The following LTBP2 variants were observed in gnomAD, a reference collection of about 807,000 sequenced individuals.
LTBP2 encodes latent transforming growth factor beta binding protein 2, also known as latent-transforming growth factor beta-binding protein 2.
In LTBP2, 103 loss-of-function variants were observed where a neutral mutation model predicts 210.6. That is an observed-to-expected ratio of 0.49 (90% CI 0.42 to 0.58). The LOEUF is 0.58. Among genes scored for constraint, LTBP2 ranks in the 20% least tolerant of loss-of-function variants. LTBP2 has a pLI of 0.00. For missense variants in LTBP2, 2,313 were observed against 2,494.5 expected, an observed-to-expected ratio of 0.93 and a Z score of 1.55; for synonymous variants, 1,007 against 1,015.0, an observed-to-expected ratio of 0.99 and a Z score of 0.15.
chr14:74,528,443 G>A, intron 12 of LTBP2, 40 bp downstream of exon 12: 2 of 1,606,980 alleles, frequency 1.2e-6, no homozygotes, highest in East Asian at 4.5e-5. Context: ...AAACTTAGGG[G>A]AAAGGAAAAT....
intron 2 of LTBP2, among the ~76,000 whole-genome samples, chr14:74,598,390 G>A (rs1221196168): frequency 6.6e-6 from 1 of 152,178 alleles, no homozygotes; most frequent in African/African-American, 2.4e-5. Context: ...CCTGAACACC[G>A]TGGGGAGTTT....
At chr14:74,553,659 G>A (rs1239884501) in intron 4 of LTBP2, among the ~76,000 whole-genome samples, 1 of 152,154 alleles carries the variant, frequency 6.6e-6, no homozygotes, top group Non-Finnish European at 1.5e-5. Context: ...AAGACATCAT[G>A]CTGGCTTTGA....
chr14:74,538,250 T>C (rs2087447967), intron 8 of LTBP2, among the ~76,000 whole-genome samples: 1 of 152,204 alleles, frequency 6.6e-6, no homozygotes, highest in Non-Finnish European at 1.5e-5. Flanking sequence ...AGGTTTGTTA[T>C]TAGTAATGGC....
chr14:74,499,661 G>A lies in LTBP2; in HGVS notation c.*1223C>T, dbSNP rs1595233996. ...CCCATCATAGGCTATCAGCAGAGCT[G>A]GCCAGGGAGTAGGCACAGCCTCATC... On this transcript the variant is annotated 3_prime_UTR_variant, in exon 36 of 36. Transcript: ENST00000261978. 1 of 226,330 alleles carries A rather than the reference G, an allele frequency of 4.4e-6. No individual in the cohort carries two copies. Among genetic ancestry groups the A allele is most frequent in the African/African-American group, 2.2e-5 (1 of 44,916 alleles). The allele number at this position is 226,330 out of a possible 1,614,324, so 14.0% of individuals were successfully genotyped here.
At position 74,503,347 on chromosome 14, in the gene LTBP2, C is replaced by A; in HGVS notation, c.4760G>T (p.Trp1587Leu). ...GCACACATCATTGGTGACTTTTTTCCAGCAGATGTCCATGTGGATGTCGTG... is the reference window on the plus strand; with the variant it reads ...GCACACATCATTGGTGACTTTTTTCAAGCAGATGTCCATGTGGATGTCGTG... Reference protein sequence around the residue: ...PDHDIHMDICWKKVTNDVCSE... With the variant: ...PDHDIHMDICLKKVTNDVCSE... The change falls in exon 33 of 36, where the codon TGG (tryptophan) becomes TTG (leucine). Residue 1587 changes from tryptophan to leucine, a missense_variant. Transcript: ENST00000261978. 6.2e-7 allele frequency: 1 copy of A among 1,613,676 alleles called. No individual in the cohort carries two copies. Among genetic ancestry groups the A allele is most frequent in the African/African-American group, 1.3e-5 (1 of 75,054 alleles).
In LTBP2 at chr14:74,501,074, C is replaced by T. The variant is rs372080884; in HGVS notation, c.5321-45G>A. 2.1e-5 allele frequency: 33 copies of T among 1,589,516 alleles called. No homozygotes were observed. In the African/African-American group the frequency reaches 4.0e-4, roughly 19 times the overall value. On this transcript the variant is annotated intron_variant, in intron 35 of 35. Coordinates refer to ENST00000261978, the MANE Select transcript of LTBP2 (RefSeq NM_000428.3). ...AGTGCTGTAGGGAGCCCAGGTGCCT[C>T]TGCTGGCTGCCTCCACCTCTCTGGT...
Position 74,507,984 on chromosome 14 carries a change from C to G in LTBP2, c.3764G>C (p.Gly1255Ala). ...ETGFQPSPESGECVDIDECED... is the reference protein window; with the variant it reads ...ETGFQPSPESAECVDIDECED... ...CCCAGAGCCCTTACCCACACACTCT[C>G]CACTCTCTGGGGAGGGCTGGAAGCC... The change falls in exon 25 of 36, where the codon GGA (glycine) becomes GCA (alanine). Residue 1255 changes from glycine to alanine, a missense_variant. Gly to Ala is a moderately conservative substitution (Grantham distance 60). Around this residue, in one of 3 missense-constraint regions of LTBP2, gnomAD observed 1,867 missense variants for 1,976.9 expected, o/e 0.94. Coordinates refer to ENST00000261978, the MANE Select transcript of LTBP2 (RefSeq NM_000428.3). 1 of 1,613,500 alleles carries G rather than the reference C, an allele frequency of 6.2e-7. No individual in the cohort carries two copies. Among genetic ancestry groups the G allele is most frequent in the African/African-American group, 1.3e-5 (1 of 75,062 alleles).
At chr14:74,537,030 T>C (rs1403129853) in intron 8 of LTBP2, among the ~76,000 whole-genome samples, 1 of 152,144 alleles carries the variant, frequency 6.6e-6, no homozygotes, top group Non-Finnish European at 1.5e-5. Flanking sequence ...ACTTTTTGCT[T>C]TTTATTTTGA....
At chr14:74,609,641 A>C (rs924780163) in intron 1 of LTBP2, among the ~76,000 whole-genome samples, 5 of 150,868 alleles carry the variant, frequency 3.3e-5, no homozygotes, top group Admixed American at 6.6e-5. Context: ...CCCTCCTGCC[A>C]CCTCCCCTCT....
intron 2 of LTBP2, among the ~76,000 whole-genome samples, chr14:74,588,472 C>T (rs1308648166): frequency 3.3e-5 from 5 of 152,114 alleles, no homozygotes; most frequent in East Asian, 1.9e-4. Flanking sequence ...CCGCCCACCT[C>T]GGCCTCCCAA....
intron 3 of LTBP2, among the ~76,000 whole-genome samples, chr14:74,556,991 G>A (rs1038773420): frequency 6.6e-6 from 1 of 151,104 alleles, no homozygotes; most frequent in East Asian, 1.9e-4. Context: ...GCTGGGCGTG[G>A]TGGCTCACGC....
rs943567694 is a variant in LTBP2, at chr14:74,500,157, T to A, written c.*727A>T. ...TTCTTTAGACGTATAAAGCCTTGGC[T>A]CCCCTTTCTCATCAACTCCACGTAT... On this transcript the variant is annotated 3_prime_UTR_variant, in exon 36 of 36. Transcript: ENST00000261978. The A allele has an allele frequency of 1.7e-5, 4 of 234,612 alleles. No homozygotes were observed. Among genetic ancestry groups the A allele is most frequent in the African/African-American group, 4.4e-5 (2 of 45,330 alleles). The allele number at this position is 234,612 out of a possible 1,614,324, so 14.5% of individuals were successfully genotyped here.
chr14:74,529,223 C>T lies in LTBP2; in HGVS notation c.1988-101G>A, dbSNP rs137906014. 3.5e-3 allele frequency: 4,736 copies of T among 1,366,122 alleles called. 19 individuals are homozygous for T. The highest frequency in any genetic ancestry group is 4.4e-3 in the Middle Eastern group (22 of 4,990). 84.6% of individuals were successfully genotyped at this position (1,366,122 alleles called of 1,614,324 possible). The stretch of plus-strand genomic sequence containing the variant: ...GGAGGTGTGGCTGGCCACATGCACT[C>T]AGACTGGCCTGGCCCATATCTCAGT... On this transcript the variant is annotated intron_variant, in intron 10 of 35. Transcript: ENST00000261978.
At chr14:74,566,997 G>A (rs912180408) in intron 3 of LTBP2, among the ~76,000 whole-genome samples, 1 of 152,230 alleles carries the variant, frequency 6.6e-6, no homozygotes, top group Non-Finnish European at 1.5e-5. Flanking sequence ...TGTGGGTGGG[G>A]AGGAGGTAGA....
chr14:74,601,074 C>T (rs950188382), intron 2 of LTBP2, among the ~76,000 whole-genome samples: 2 of 152,190 alleles, frequency 1.3e-5, no homozygotes, highest in Non-Finnish European at 2.9e-5. Flanking sequence ...AAAAAAATTA[C>T]AGTGCCAGGC....
chr14:74,507,923 A>G (rs777616188), intron 25 of LTBP2, 50 bp downstream of exon 25: 2 of 1,610,314 alleles, frequency 1.2e-6, no homozygotes, highest in African/African-American at 2.7e-5. Flanking sequence ...GGCAGTGTAG[A>G]GATGGGCAGA....
At chr14:74,527,297 C>A in intron 13 of LTBP2, 50 bp downstream of exon 13, 1 of 1,602,238 alleles carries the variant, frequency 6.2e-7, no homozygotes, top group Non-Finnish European at 8.5e-7. Context: ...GCTACCAGGT[C>A]CTGCTCTCTG....
At chr14:74,604,214 T>C (rs1217478368) in intron 1 of LTBP2, among the ~76,000 whole-genome samples, 1 of 144,730 alleles carries the variant, frequency 6.9e-6, no homozygotes, top group Non-Finnish European at 1.5e-5. Flanking sequence ...CCATGGTCGT[T>C]GCCCTACCAA....
chr14:74,552,913 G>A lies in LTBP2; in HGVS notation c.1171C>T (p.Pro391Ser), dbSNP rs372408796. 2.5e-6 allele frequency: 4 copies of A among 1,613,490 alleles called. No individual in the cohort carries two copies. Among genetic ancestry groups the A allele is most frequent in the South Asian group, 2.2e-5 (2 of 90,880 alleles). ...LYSQGGHGHD[P>S]KSGFRIYFCQ... ...TCACAGATGCGGAAGCCAGACTTGG[G>A]ATCGTGCCCATGGCCGCCCTGGCTG... The change falls in exon 5 of 36, where the codon CCC becomes TCC. Residue 391 changes from proline to serine, a missense_variant. Pro to Ser is a moderately conservative substitution (Grantham distance 74). This residue lies in a region of LTBP2 where 1,867 missense variants were observed against 1,976.9 expected (regional missense o/e 0.94). Transcript: ENST00000261978.
Sources: gnomAD v4.1 joint callset for allele counts (sites outside exome capture counted in the v4.1 genomes callset) on GRCh38, gnomAD v4.1.1 for gene constraint, gnomAD v4.1.1 regional missense constraint, MANE v1.5 for transcripts, NCBI Gene and HGNC (gene_info 2026-07-23, HGNC 2026-07-21) for gene names.